Variants in SLC26A11 observed in about 807,000 individuals in gnomAD.
The protein encoded by SLC26A11 is sodium-independent sulfate anion transporter.
SLC26A11 carries 58 observed loss-of-function variants against 62.2 expected under a neutral mutation model. That is an observed-to-expected ratio of 0.93 (90% CI 0.76 to 1.16). The LOEUF is 1.16. Among genes scored for constraint, SLC26A11 ranks in the 50% most tolerant of loss-of-function variants. SLC26A11 has a pLI of 0.00. For synonymous variants in SLC26A11, 411 were observed against 368.9 expected (o/e 1.11, Z -1.31); for missense variants, 790 against 794.3 (o/e 0.99, Z 0.06).
chr17:80,245,826 G>A (rs150995874), intron 11 of SLC26A11, among the ~76,000 whole-genome samples: 46 of 152,314 alleles, frequency 3.0e-4, no homozygotes, highest in African/African-American at 1.0e-3. Flanking sequence ...AGAAGGAGGC[G>A]TCACCTGGCA....
Position 80,253,135 on chromosome 17 carries a change from C to T in SLC26A11, c.*419C>T, listed in dbSNP as rs1326424048. 3 of 155,322 alleles carry T rather than the reference C, an allele frequency of 1.9e-5. No homozygotes were observed. Among genetic ancestry groups the T allele is most frequent in the Admixed American group, 6.4e-5 (1 of 15,510 alleles). The allele number at this position is 155,322 out of a possible 1,614,324, so 9.6% of individuals were successfully genotyped here. A position where few individuals can be genotyped will look rare whatever the true frequency, so the allele number is the denominator to read the frequency against. ...CAGGAGTCTGGGAGGCGGGTCCGCT[C>T]CTCTTGTCTGCGGCATCTGTGCTCT... On this transcript the variant is annotated 3_prime_UTR_variant, in exon 18 of 18. Coordinates refer to ENST00000361193, the MANE Select transcript of SLC26A11 (RefSeq NM_001166347.2).
intron 9 of SLC26A11, among the ~76,000 whole-genome samples, chr17:80,241,361 AC>A (rs2042855311): frequency 6.6e-6 from 1 of 152,044 alleles, no homozygotes; most frequent in Non-Finnish European, 1.5e-5. Context: ...CTAGGCTCAA[AC>A]CATCCTCCCG....
intron 7 of SLC26A11, among the ~76,000 whole-genome samples, chr17:80,229,255 G>A (rs566352019): frequency 6.6e-6 from 1 of 152,022 alleles, no homozygotes; most frequent in African/African-American, 2.4e-5. Context: ...TTGAGGCCGT[G>A]GTGAACACTG....
intron 15 of SLC26A11, among the ~76,000 whole-genome samples, chr17:80,248,899 G>A (rs983716995): frequency 6.6e-6 from 1 of 152,212 alleles, no homozygotes; most frequent in Non-Finnish European, 1.5e-5. Flanking sequence ...CTAAAGTCCG[G>A]TTCCTGTTTC....
At chr17:80,224,383 G>T (rs117687210) in intron 5 of SLC26A11, among the ~76,000 whole-genome samples, 3 of 147,716 alleles carry the variant, frequency 2.0e-5, no homozygotes, top group Admixed American at 2.0e-4. Flanking sequence ...GCGCGCGCGC[G>T]TGTGTGAGTG....
At chr17:80,226,280 G>C (rs1156359734) in intron 6 of SLC26A11, among the ~76,000 whole-genome samples, 1 of 152,204 alleles carries the variant, frequency 6.6e-6, no homozygotes. Flanking sequence ...CCCAGGCTGT[G>C]ATTTGTTAAG....
rs930154095 is a variant in SLC26A11, at chr17:80,223,867, G to A, written c.513+530G>A. Among the ~76,000 whole-genome samples the A allele has an allele frequency of 2.0e-5, 3 of 152,162 alleles. No individual in the cohort carries two copies. Among genetic ancestry groups the A allele is most frequent in the Non-Finnish European group, 2.9e-5 (2 of 68,032 alleles). On this transcript the variant is annotated intron_variant, in intron 5 of 17. Transcript: ENST00000361193. The surrounding 1 kb of genome is among the most constrained non-coding windows in gnomAD (Gnocchi z 4.6). ...TACTAAAATCAGTCATCAGCTGAGGGTGTAATTTATTCTGTTTTTGCTGGG... is the reference window on the plus strand; with the variant it reads ...TACTAAAATCAGTCATCAGCTGAGGATGTAATTTATTCTGTTTTTGCTGGG...
rs1229047024 is a variant in SLC26A11, at chr17:80,223,641, C to T, written c.513+304C>T. Among the ~76,000 whole-genome samples, 5 of 152,316 alleles carry T rather than the reference C, an allele frequency of 3.3e-5. No individual in the cohort carries two copies. Among genetic ancestry groups the T allele is most frequent in the Admixed American group, 2.0e-4 (3 of 15,304 alleles). On this transcript the variant is annotated intron_variant, in intron 5 of 17. Coordinates refer to ENST00000361193, the MANE Select transcript of SLC26A11 (RefSeq NM_001166347.2). The surrounding 1 kb of genome is among the most constrained non-coding windows in gnomAD (Gnocchi z 4.6). Reference sequence around the variant, plus strand: ...CCAGTGTGCTTGGCTGGCTCTGTGACGTGGCTCTGTTCTCCCTGCACTGGG... The same window carrying T: ...CCAGTGTGCTTGGCTGGCTCTGTGATGTGGCTCTGTTCTCCCTGCACTGGG...
At chr17:80,221,293 G>T in intron 2 of SLC26A11, 178 bp downstream of exon 2, 1 of 459,900 alleles carries the variant, frequency 2.2e-6, no homozygotes, top group Non-Finnish European at 3.8e-6. Context: ...GTTGAGGATG[G>T]AGGGACAGAA....
intron 7 of SLC26A11, among the ~76,000 whole-genome samples, chr17:80,231,237 A>G (rs2042559493): frequency 7.0e-6 from 1 of 143,458 alleles, no homozygotes; most frequent in Non-Finnish European, 1.5e-5. Context: ...ATCTCAGCTC[A>G]CTGCAACCTC....
chr17:80,230,406 C>T (rs1262834107), intron 7 of SLC26A11, among the ~76,000 whole-genome samples: 2 of 152,022 alleles, frequency 1.3e-5, no homozygotes, highest in Non-Finnish European at 1.5e-5. Flanking sequence ...CAGAGGACAC[C>T]AGGGTGGCCA....
intron 7 of SLC26A11, among the ~76,000 whole-genome samples, chr17:80,233,965 CT>C (rs568761150): frequency 3.2e-4 from 47 of 147,982 alleles, no homozygotes; most frequent in East Asian, 4.0e-4. Context: ...GAATTCTAGA[CT>C]TTTTTTTTTC....
chr17:80,245,271 C>CGCCTCT lies in SLC26A11; in HGVS notation c.1097+16_1097+21dup. The CGCCTCT allele has an allele frequency of 6.2e-7, 1 of 1,613,548 alleles. No homozygotes were observed. The highest frequency in any genetic ancestry group is 1.7e-5 in the Admixed American group (1 of 59,986). On this transcript the variant is annotated intron_variant, in intron 11 of 17. Coordinates refer to ENST00000361193, the MANE Select transcript of SLC26A11 (RefSeq NM_001166347.2). ...AGCTTTGGACGGTGAGTGACCTGTC[C>CGCCTCT]GCCTCTTCTGTTTGCCCACGTTGGA... is the stretch of plus-strand genomic sequence containing the variant.
intron 5 of SLC26A11, among the ~76,000 whole-genome samples, chr17:80,224,400 TGTGAGA>T (rs1453060013): frequency 2.1e-5 from 3 of 145,214 alleles, no homozygotes; most frequent in African/African-American, 2.6e-5. Flanking sequence ...AGTGTATGAG[TGTGAGA>T]GTGAGTGTGA....
At chr17:80,250,488 T>C (rs2043127189) in intron 16 of SLC26A11, among the ~76,000 whole-genome samples, 1 of 152,152 alleles carries the variant, frequency 6.6e-6, no homozygotes, top group African/African-American at 2.4e-5. Flanking sequence ...TTACGTCCTG[T>C]GTCATATTTG....
chr17:80,237,628 C>T (rs1172959938), intron 9 of SLC26A11, 34 bp downstream of exon 9: 5 of 1,597,396 alleles, frequency 3.1e-6, no homozygotes, highest in Non-Finnish European at 4.3e-6. Context: ...CCAGGTCTCC[C>T]AGTGCGCCGG....
chr17:80,227,932 C>T lies in SLC26A11; in HGVS notation c.708C>T (p.Ser236=). The change falls in exon 7 of 18, where the codon AGC becomes AGT. Residue 236 remains serine (S), a synonymous_variant. Coordinates refer to ENST00000361193, the MANE Select transcript of SLC26A11 (RefSeq NM_001166347.2). ...HPEMPPGVRL[S]RGLVWAATTA... is the part of the protein sequence containing the mutation. Reference sequence around the variant, plus strand: ...AGATGCCCCCTGGTGTGCGGCTCAGCCGTGGGCTGGTCTGGGCTGCCACGA... The same window carrying T: ...AGATGCCCCCTGGTGTGCGGCTCAGTCGTGGGCTGGTCTGGGCTGCCACGA... 6.2e-7 allele frequency: 1 copy of T among 1,600,776 alleles called. No individual in the cohort carries two copies. The highest frequency in any genetic ancestry group is 8.5e-7 in the Non-Finnish European group (1 of 1,179,848).
intron 9 of SLC26A11, among the ~76,000 whole-genome samples, chr17:80,239,387 A>ATTTC (rs2042795888): frequency 8.0e-6 from 1 of 124,556 alleles, no homozygotes; most frequent in African/African-American, 3.6e-5. Context: ...CCCTCCAGTA[A>ATTTC]TTTCTTTTTT....
chr17:80,252,858 G>T lies in SLC26A11; in HGVS notation c.*142G>T. 1 of 697,418 alleles carries T rather than the reference G, an allele frequency of 1.4e-6. No individual in the cohort carries two copies. Among genetic ancestry groups the T allele is most frequent in the South Asian group, 1.9e-5 (1 of 53,478 alleles). The allele number at this position is 697,418 out of a possible 1,614,324, so 43.2% of individuals were successfully genotyped here. A position where few individuals can be genotyped will look rare whatever the true frequency, so the allele number is the denominator to read the frequency against. On this transcript the variant is annotated 3_prime_UTR_variant, in exon 18 of 18. Coordinates refer to ENST00000361193, the MANE Select transcript of SLC26A11 (RefSeq NM_001166347.2). The surrounding 1 kb of genome is among the most constrained non-coding windows in gnomAD (Gnocchi z 5.2). ...CAGGTAACCCAGGGAAGAGAAGGAA[G>T]CCAGGCCTGGAGGTCCACGGCAGTG...
Sources: gnomAD v4.1 joint callset for allele counts (sites outside exome capture counted in the v4.1 genomes callset) on GRCh38, gnomAD v4.1.1 for gene constraint, Gnocchi (gnomAD v3.1) non-coding constraint, MANE v1.5 for transcripts, NCBI Gene and HGNC (gene_info 2026-07-23, HGNC 2026-07-21) for gene names.